Variants in NTM observed in about 807,000 individuals in gnomAD.
The protein encoded by NTM is IgLON family member 2.
Under a neutral mutation model 42.1 loss-of-function variants are expected in NTM, and 13 were observed. That is an observed-to-expected ratio of 0.31 (90% confidence interval 0.20 to 0.49). NTM has a LOEUF of 0.49. Among genes scored for constraint, NTM ranks in the 20% least tolerant of loss-of-function variants. The probability of loss-of-function intolerance (pLI) is 0.99; values close to 1 mark genes in which losing one functional copy is unlikely to be tolerated. For missense variants in NTM, 373 were observed against 452.8 expected (o/e 0.82, Z 1.60); for synonymous variants, 187 against 179.2 (o/e 1.04, Z -0.35).
At chr11:131,480,086 C>T (rs545352236) in intron 1 of NTM, among the ~76,000 whole-genome samples, 1 of 148,204 alleles carries the variant, frequency 6.7e-6, no homozygotes, top group African/African-American at 2.5e-5. Flanking sequence ...GCATTGATTT[C>T]ATTTTGAAAA....
chr11:132,138,651 G>A (rs1197132278), intron 2 of NTM, among the ~76,000 whole-genome samples: 1 of 132,950 alleles, frequency 7.5e-6, no homozygotes, highest in East Asian at 2.1e-4. Context: ...TATAAGAATT[G>A]GCTCATGTCT....
At chr11:132,273,856 G>A (rs1019214068) in intron 4 of NTM, among the ~76,000 whole-genome samples, 1 of 152,138 alleles carries the variant, frequency 6.6e-6, no homozygotes, top group Non-Finnish European at 1.5e-5. Flanking sequence ...GCAGTAAGCT[G>A]AGATCATGCC....
rs780880466 is a variant in NTM at position 132,314,677 on chromosome 11, A to G, written c.908A>G (p.His303Arg). The G allele has an allele frequency of 6.2e-7, 1 of 1,613,720 alleles. No homozygotes were observed. Among genetic ancestry groups the G allele is most frequent in the Non-Finnish European group, 8.5e-7 (1 of 1,179,872 alleles). The part of the protein sequence containing the change: ...YTCVASNKLG[H>R]TNASIMLFEV... The stretch of plus-strand genomic sequence containing the variant: ...TGCGTGGCCTCCAACAAGCTGGGCC[A>G]CACCAATGCCAGCATCATGCTATTT... Residue 303 changes from histidine to arginine, a missense_variant, in exon 7 of 9, where the codon CAC (histidine) becomes CGC (arginine). His to Arg is a conservative substitution (Grantham distance 29). Around this residue, in one of 3 missense-constraint regions of NTM, gnomAD observed 312 missense variants for 353.5 expected, o/e 0.88. Coordinates refer to ENST00000683400, the MANE Select transcript of NTM (RefSeq NM_001352005.2).
chr11:131,932,756 A>C (rs1019189539), intron 2 of NTM, among the ~76,000 whole-genome samples: 2 of 152,200 alleles, frequency 1.3e-5, no homozygotes, highest in East Asian at 3.9e-4. Context: ...GGGACTTTCC[A>C]GATGCTGCTG....
intron 1 of NTM, among the ~76,000 whole-genome samples, chr11:131,748,920 G>T (rs532190350): frequency 1.3e-5 from 2 of 152,304 alleles, no homozygotes; most frequent in African/African-American, 4.8e-5. Flanking sequence ...TGACATCAGA[G>T]GGGCCCCGGC....
At chr11:132,248,027 C>G (rs1413069526) in intron 4 of NTM, among the ~76,000 whole-genome samples, 1 of 150,028 alleles carries the variant, frequency 6.7e-6, no homozygotes, top group Non-Finnish European at 1.5e-5. Flanking sequence ...GGTCACAGCC[C>G]ACAGCATCCA....
intron 1 of NTM, among the ~76,000 whole-genome samples, chr11:131,502,552 G>T (rs544959271): frequency 2.0e-5 from 3 of 152,130 alleles, no homozygotes; most frequent in Non-Finnish European, 2.9e-5. Flanking sequence ...AGTTGACGAG[G>T]GGTGCAAGAG....
intron 2 of NTM, among the ~76,000 whole-genome samples, chr11:132,142,769 G>A (rs1381790744): frequency 2.6e-5 from 4 of 152,290 alleles, no homozygotes; most frequent in African/African-American, 4.8e-5. Flanking sequence ...CACAGGAGCC[G>A]CAGAACCATG....
intron 1 of NTM, among the ~76,000 whole-genome samples, chr11:131,425,718 G>A (rs929340554): frequency 3.9e-5 from 6 of 152,282 alleles, no homozygotes; most frequent in South Asian, 2.1e-4. Flanking sequence ...GAGCTAGGGA[G>A]GGGGCTGATC....
rs144327545 is a variant in NTM at position 131,626,347 on chromosome 11, T to A, written c.82+255459T>A. 4.6e-3 allele frequency among the ~76,000 whole-genome samples: 696 copies of A among 152,340 alleles called. 3 individuals are homozygous for A. The highest frequency in any genetic ancestry group is 0.016 in the African/African-American group (660 of 41,576). ...TATATGATATACGTAATTACTAATA[T>A]ACAAACGTATATTCATTATTATAAA... On this transcript the variant is annotated intron_variant, in intron 1 of 8. Coordinates refer to ENST00000683400, the MANE Select transcript of NTM (RefSeq NM_001352005.2).
At chr11:132,147,687 C>G (rs942828121) in intron 3 of NTM, among the ~76,000 whole-genome samples, 1 of 152,106 alleles carries the variant, frequency 6.6e-6, no homozygotes, top group Non-Finnish European at 1.5e-5. Flanking sequence ...TGCTGGAGCC[C>G]TTTCCCAGGC....
chr11:131,558,079 C>T (rs2055697988), intron 1 of NTM, among the ~76,000 whole-genome samples: 1 of 152,208 alleles, frequency 6.6e-6, no homozygotes, highest in Non-Finnish European at 1.5e-5. Flanking sequence ...GCCTTTTGTG[C>T]TATGACATTG....
At chr11:132,236,804 C>T (rs1474639289) in intron 4 of NTM, among the ~76,000 whole-genome samples, 2 of 152,266 alleles carry the variant, frequency 1.3e-5, no homozygotes, top group Non-Finnish European at 2.9e-5. Flanking sequence ...GAATGGCTGG[C>T]CTTACTGACT....
chr11:132,175,330 T>C lies in NTM; in HGVS notation c.400+28816T>C, dbSNP rs570478942. Among the ~76,000 whole-genome samples, 8 of 152,216 alleles carry C rather than the reference T, an allele frequency of 5.3e-5. No homozygotes were observed. In the South Asian group the frequency reaches 1.7e-3, roughly 32 times the overall value. On this transcript the variant is annotated intron_variant, in intron 3 of 8. Transcript: ENST00000683400. ...GGTCCACCCACACCATTATCACTCA[T>C]GTATGTCCACACCCTGGCTCCTGCT... is the stretch of plus-strand genomic sequence containing the variant.
intron 1 of NTM, among the ~76,000 whole-genome samples, chr11:131,423,621 A>G (rs1436128141): frequency 6.6e-6 from 1 of 152,190 alleles, no homozygotes; most frequent in Non-Finnish European, 1.5e-5. Flanking sequence ...AAAGTCGACT[A>G]AAGGGCTTGG....
intron 2 of NTM, among the ~76,000 whole-genome samples, chr11:132,013,548 G>A (rs1593718246): frequency 6.6e-6 from 1 of 152,118 alleles, no homozygotes; most frequent in Non-Finnish European, 1.5e-5. Context: ...AAAAGTGGTG[G>A]TAAGATCAGT....
intron 2 of NTM, among the ~76,000 whole-genome samples, chr11:132,115,746 AATG>A (rs1181662811): frequency 6.6e-6 from 1 of 152,190 alleles, no homozygotes; most frequent in Admixed American, 6.5e-5. Context: ...TAATTTACAA[AATG>A]ATGATGTTGC....
chr11:131,373,072 AAC>A (rs1941438449), intron 1 of NTM, among the ~76,000 whole-genome samples: 1 of 152,164 alleles, frequency 6.6e-6, no homozygotes, highest in Admixed American at 6.5e-5. Context: ...GTCGTAATAG[AAC>A]AAGGTTGCCC....
At chr11:132,035,342 C>T (rs913007898) in intron 2 of NTM, among the ~76,000 whole-genome samples, 8 of 152,134 alleles carry the variant, frequency 5.3e-5, no homozygotes, top group Admixed American at 2.0e-4. Context: ...TAAGTGGACT[C>T]GGATCCTTGA....
Sources: allele counts gnomAD v4.1 joint callset (sites outside exome capture counted in the v4.1 genomes callset), GRCh38; gene constraint gnomAD v4.1.1; regional missense constraint gnomAD v4.1.1; transcripts MANE v1.5; gene names NCBI Gene and HGNC (gene_info 2026-07-23, HGNC 2026-07-21).